Variants in VEZT observed in about 807,000 individuals in gnomAD.
VEZT encodes the protein vezatin.
In VEZT, 39 loss-of-function variants were observed where a neutral mutation model predicts 79.9. The ratio of observed to expected loss-of-function variants is 0.49; its 90% confidence interval spans 0.38 to 0.64. VEZT has a LOEUF of 0.64. VEZT is among the 30% of genes least tolerant of loss of function. VEZT has a pLI of 0.00. For synonymous variants in VEZT, 325 were observed against 327.6 expected, an observed-to-expected ratio of 0.99 and a Z score of 0.09; for missense variants, 837 against 893.1, an observed-to-expected ratio of 0.94 and a Z score of 0.80.
chr12:95,257,128 C>T (rs368045164), intron 2 of VEZT, 22 bp from the exon 3 acceptor site: 59 of 1,584,424 alleles, frequency 3.7e-5, no homozygotes, highest in Non-Finnish European at 4.3e-5. Flanking sequence ...TAATCCTATA[C>T]AATGTCATTC....
intron 2 of VEZT, among the ~76,000 whole-genome samples, chr12:95,253,455 C>T (rs918307600): frequency 2.0e-5 from 3 of 152,166 alleles, no homozygotes; most frequent in South Asian, 2.1e-4. Context: ...TTTCCTAGTC[C>T]TCCATTTATA....
At chr12:95,227,193 A>G (rs999337049) in intron 1 of VEZT, among the ~76,000 whole-genome samples, 1 of 152,026 alleles carries the variant, frequency 6.6e-6, no homozygotes. Flanking sequence ...ACAGGGTCTC[A>G]CTCTGTCACC....
At chr12:95,220,937 A>C (rs1455272910) in intron 1 of VEZT, among the ~76,000 whole-genome samples, 2 of 152,162 alleles carry the variant, frequency 1.3e-5, no homozygotes, top group Non-Finnish European at 2.9e-5. Flanking sequence ...TGGTTGTACC[A>C]GTTTATTCTC....
intron 1 of VEZT, among the ~76,000 whole-genome samples, chr12:95,230,577 T>TCC (rs1565993616): frequency 1.0e-3 from 102 of 102,418 alleles, no homozygotes; most frequent in African/African-American, 5.7e-3. Flanking sequence ...ATCTCTCCTT[T>TCC]TTTTTTTTTT....
At chr12:95,229,841 G>A (rs113655146) in intron 1 of VEZT, among the ~76,000 whole-genome samples, 10,085 of 152,164 alleles carry the variant, frequency 0.066, 440 homozygotes, top group Middle Eastern at 0.12. Context: ...TGTAATCCCA[G>A]CACTTTCAGA....
At chr12:95,293,356 A>G (rs978122820) in intron 9 of VEZT, among the ~76,000 whole-genome samples, 5 of 152,292 alleles carry the variant, frequency 3.3e-5, no homozygotes, top group African/African-American at 9.6e-5. Context: ...CCATTTAACT[A>G]TTGTTACTTT....
At chr12:95,268,724 C>G (rs2066029003) in intron 5 of VEZT, among the ~76,000 whole-genome samples, 1 of 152,046 alleles carries the variant, frequency 6.6e-6, no homozygotes. Flanking sequence ...AGATGACAGA[C>G]GAAGAGAAGT....
chr12:95,238,109 GA>G, intron 1 of VEZT, among the ~76,000 whole-genome samples: 1 of 152,142 alleles, frequency 6.6e-6, no homozygotes, highest in East Asian at 1.9e-4. Flanking sequence ...GTGAACTTGA[GA>G]GAGGTTGTTT....
chr12:95,237,307 A>G (rs1250301334), intron 1 of VEZT, among the ~76,000 whole-genome samples: 2 of 152,274 alleles, frequency 1.3e-5, no homozygotes, highest in Non-Finnish European at 2.9e-5. Flanking sequence ...ACAGGCTTGT[A>G]CATAAAAAAA....
chr12:95,250,735 G>C (rs1240100105), intron 1 of VEZT, among the ~76,000 whole-genome samples: 2 of 135,768 alleles, frequency 1.5e-5, no homozygotes, highest in African/African-American at 5.9e-5. Context: ...TCTGTTTGAT[G>C]GGGTTGGGGT....
rs553955298 is a variant in VEZT at position 95,302,007 on chromosome 12, C to G, written c.*1334C>G. ...TTGCCTTTTTGCCAAAATCCTGGAA[C>G]TCATCTATAATTAACCTCTTCGGAG... is the stretch of plus-strand genomic sequence containing the variant. On this transcript the variant is annotated 3_prime_UTR_variant, in exon 12 of 12. Transcript: ENST00000436874. 4.6e-5 allele frequency: 7 copies of G among 152,274 alleles called. No homozygotes were observed. The highest frequency in any genetic ancestry group is 1.7e-4 in the African/African-American group (7 of 41,552). The allele number at this position is 152,274 out of a possible 1,614,324, so 9.4% of individuals were successfully genotyped here.
At chr12:95,269,179 A>T (rs2066122221) in intron 5 of VEZT, among the ~76,000 whole-genome samples, 1 of 152,216 alleles carries the variant, frequency 6.6e-6, no homozygotes, top group Admixed American at 6.5e-5. Flanking sequence ...GTTGGGAAAG[A>T]TTACTGGTTA....
chr12:95,232,304 G>A (rs1303887243), intron 1 of VEZT, among the ~76,000 whole-genome samples: 1 of 152,068 alleles, frequency 6.6e-6, no homozygotes, highest in Non-Finnish European at 1.5e-5. Context: ...GGTTCTGTTG[G>A]CATGGTAGAA....
In VEZT at chr12:95,270,181, C is replaced by T. The variant is rs2066322662; in HGVS notation, c.841C>T (p.Leu281=). Residue 281 remains leucine, a synonymous_variant, in exon 6 of 12, where the codon CTG becomes TTG. Coordinates refer to ENST00000436874, the MANE Select transcript of VEZT (RefSeq NM_017599.4). ...QAARLATLYM[L]KNYPLNSESD... is the part of the protein sequence containing the mutation. Reference sequence around the variant, plus strand: ...AGCAAGGCTAGCTACCCTATATATGCTGAAAAAATATCCTTTTCTGTTTAT... The same window carrying T: ...AGCAAGGCTAGCTACCCTATATATGTTGAAAAAATATCCTTTTCTGTTTAT... 1.9e-6 allele frequency: 3 copies of T among 1,600,410 alleles called. No homozygotes were observed. Among genetic ancestry groups the T allele is most frequent in the East Asian group, 4.5e-5 (2 of 44,538 alleles).
intron 10 of VEZT, among the ~76,000 whole-genome samples, chr12:95,295,350 CAG>C (rs1384114695): frequency 6.6e-6 from 1 of 152,060 alleles, no homozygotes; most frequent in African/African-American, 2.4e-5. Context: ...TTAGTAGAGA[CAG>C]GGTTTCACCA....
chr12:95,219,296 C>A (rs1418741229), intron 1 of VEZT, among the ~76,000 whole-genome samples: 1 of 151,936 alleles, frequency 6.6e-6, no homozygotes, highest in Non-Finnish European at 1.5e-5. Context: ...AGAAAATAAG[C>A]CCCCAAGTTA....
chr12:95,224,070 AT>A, intron 1 of VEZT: 1 of 423,694 alleles, frequency 2.4e-6, no homozygotes, highest in Non-Finnish European at 4.8e-6. Context: ...TGAGGGATTG[AT>A]GTTATCATTG....
intron 1 of VEZT, among the ~76,000 whole-genome samples, chr12:95,234,961 C>T (rs2059821613): frequency 6.6e-6 from 1 of 151,962 alleles, no homozygotes; most frequent in African/African-American, 2.4e-5. Flanking sequence ...TTTCAGAGAG[C>T]ACAGGGTTGG....
intron 1 of VEZT, among the ~76,000 whole-genome samples, chr12:95,236,170 C>T (rs1231034289): frequency 2.0e-5 from 3 of 152,222 alleles, no homozygotes; most frequent in East Asian, 1.9e-4. Flanking sequence ...TCTGCAATCA[C>T]GGCACCTTGG....
Sources: gnomAD v4.1 joint callset for allele counts (sites outside exome capture counted in the v4.1 genomes callset) on GRCh38, gnomAD v4.1.1 for gene constraint, MANE v1.5 for transcripts, NCBI Gene and HGNC (gene_info 2026-07-23, HGNC 2026-07-21) for gene names.